The following COL4A2 variants were observed in gnomAD, a reference collection of about 807,000 sequenced individuals.
The protein encoded by COL4A2 is collagen alpha-2(IV) chain.
A neutral mutation model predicts 200.2 loss-of-function variants in COL4A2; 99 were observed. The observed-to-expected ratio is 0.49, with a 90% CI of 0.42 to 0.58. The LOEUF (loss-of-function observed/expected upper bound fraction) is 0.58. COL4A2 is among the 20% of genes least tolerant of loss of function. COL4A2 has a pLI of 0.00. For missense variants in COL4A2, 1,950 were observed against 2,314.1 expected, an observed-to-expected ratio of 0.84 and a Z score of 3.23; for synonymous variants, 897 against 900.6, an observed-to-expected ratio of 1.00 and a Z score of 0.07.
intron 3 of COL4A2, among the ~76,000 whole-genome samples, chr13:110,337,776 T>C (rs1164326070): frequency 1.3e-5 from 2 of 152,258 alleles, no homozygotes; most frequent in Non-Finnish European, 2.9e-5. Context: ...TGTGTGTGTC[T>C]GTGTCCCCAA....
At chr13:110,315,883 C>T (rs1340846740) in intron 3 of COL4A2, among the ~76,000 whole-genome samples, 1 of 152,158 alleles carries the variant, frequency 6.6e-6, no homozygotes, top group Non-Finnish European at 1.5e-5. Context: ...TAGTTGGCAG[C>T]AATGCAAGCA....
In COL4A2 at chr13:110,484,950, T is replaced by C. The variant is rs1195022297; in HGVS notation, c.2948T>C (p.Leu983Pro). 1.2e-6 allele frequency: 2 copies of C among 1,613,332 alleles called. No individual in the cohort carries two copies. Among genetic ancestry groups the C allele is most frequent in the East Asian group, 4.5e-5 (2 of 44,856 alleles). The change falls in exon 33 of 48, where the codon CTG (leucine) becomes CCG (proline). Residue 983 changes from leucine (L) to proline (P), a missense_variant. Leu to Pro is a moderately conservative substitution (Grantham distance 98, BLOSUM62 -3). Around this residue, in one of 2 missense-constraint regions of COL4A2, gnomAD observed 1,385 missense variants for 1,720.5 expected, o/e 0.80. Transcript: ENST00000360467. ...PGPPGPPPVI[L>P]PGMKDIKGEK... is the part of the protein sequence containing the mutation. The stretch of plus-strand genomic sequence containing the variant: ...CCCCCAGGACCACCTCCTGTCATCC[T>C]GCCAGGAATGAAAGACATTAAAGGA...
chr13:110,500,150 G>A (rs1368398283), intron 40 of COL4A2, among the ~76,000 whole-genome samples: 1 of 152,170 alleles, frequency 6.6e-6, no homozygotes, highest in African/African-American at 2.4e-5. Flanking sequence ...TCTTCCAAAG[G>A]GAAAATCTCT....
intron 4 of COL4A2, among the ~76,000 whole-genome samples, chr13:110,375,699 G>A (rs886207307): frequency 5.9e-5 from 9 of 151,990 alleles, no homozygotes; most frequent in Admixed American, 4.6e-4. Context: ...GTGTTGTGAC[G>A]CACACCTGTA....
At chr13:110,431,705 C>G (rs1250151798) in intron 10 of COL4A2, among the ~76,000 whole-genome samples, 3 of 152,220 alleles carry the variant, frequency 2.0e-5, no homozygotes, top group Non-Finnish European at 4.4e-5. Context: ...GCTCTGACAG[C>G]TTTTGGTTCT....
intron 4 of COL4A2, 86 bp from the exon 5 acceptor site, chr13:110,424,648 A>AAAAG: frequency 1.1e-6 from 1 of 915,736 alleles, no homozygotes; most frequent in Non-Finnish European, 1.7e-6. Context: ...AACAAAAAAA[A>AAAAG]AAATGTAGTT....
chr13:110,387,522 C>T (rs1442877478), intron 4 of COL4A2, among the ~76,000 whole-genome samples: 1 of 152,118 alleles, frequency 6.6e-6, no homozygotes, highest in Non-Finnish European at 1.5e-5. Context: ...CCGCATTCAC[C>T]ACCCGTCCCC....
chr13:110,492,274 A>G, intron 38 of COL4A2, 97 bp downstream of exon 38: 1 of 1,072,714 alleles, frequency 9.3e-7, no homozygotes. Flanking sequence ...GGCGACTTCT[A>G]AGGCCCATAC....
At chr13:110,371,751 C>T (rs1566497966) in intron 4 of COL4A2, among the ~76,000 whole-genome samples, 1 of 151,896 alleles carries the variant, frequency 6.6e-6, no homozygotes, top group Admixed American at 6.6e-5. Context: ...GGGCGGGCGG[C>T]GGGCCGTCTG....
rs4000234 is a variant in COL4A2, at chr13:110,493,110, T to C, written c.3563-101T>C. 84 of 514,530 alleles carry C rather than the reference T, an allele frequency of 1.6e-4. 1 individual carries two copies. Among genetic ancestry groups the C allele is most frequent in the African/African-American group, 2.9e-4 (6 of 20,694 alleles). The allele number at this position is 514,530 out of a possible 1,614,324, so 31.9% of individuals were successfully genotyped here. On this transcript the variant is annotated intron_variant, in intron 38 of 47. Coordinates refer to ENST00000360467, the MANE Select transcript of COL4A2 (RefSeq NM_001846.4). ...GAAATAACGATGAGTGACACCCCCA[T>C]GGGTGAAATAACGATGAGTGACACC...
intron 3 of COL4A2, among the ~76,000 whole-genome samples, chr13:110,324,828 G>A (rs1029597165): frequency 5.3e-5 from 8 of 152,230 alleles, no homozygotes; most frequent in East Asian, 1.9e-4. Flanking sequence ...TCTTTAAAAC[G>A]TGGTGAGGAC....
Position 110,508,480 on chromosome 13 carries a change from C to A in COL4A2, c.4881+259C>A. The A allele has an allele frequency of 1.7e-6, 1 of 597,544 alleles. No homozygotes were observed. 37.0% of individuals were successfully genotyped at this position (597,544 alleles called of 1,614,324 possible). ...GCCTTTGTAAGGAGTGTAACCAGGACGAACTTGCCTGTTATCCGTCTTACT... is the reference window on the plus strand; with the variant it reads ...GCCTTTGTAAGGAGTGTAACCAGGAAGAACTTGCCTGTTATCCGTCTTACT... On this transcript the variant is annotated intron_variant, in intron 47 of 47. Transcript: ENST00000360467. This position sits in a 1 kb window ranked among gnomAD's most constrained non-coding sequence, Gnocchi z 6.1.
intron 4 of COL4A2, among the ~76,000 whole-genome samples, chr13:110,411,990 C>T (rs1879861277): frequency 6.6e-6 from 1 of 152,218 alleles, no homozygotes; most frequent in South Asian, 2.1e-4. Context: ...GAACAGTGAA[C>T]AGTCTAGAGT....
At chr13:110,420,895 G>A (rs761759243) in intron 4 of COL4A2, among the ~76,000 whole-genome samples, 65 of 152,202 alleles carry the variant, frequency 4.3e-4, no homozygotes, top group African/African-American at 6.8e-4. Flanking sequence ...TGTGCACAGC[G>A]GAGAGGGATC....
intron 18 of COL4A2, 114 bp from the exon 19 acceptor site, chr13:110,449,565 C>G: frequency 1.0e-6 from 1 of 974,794 alleles, no homozygotes; most frequent in Non-Finnish European, 1.5e-6. Context: ...CCTCATCAGG[C>G]CGCATACAGC....
chr13:110,429,682 T>C (rs891598754), intron 7 of COL4A2, among the ~76,000 whole-genome samples: 3 of 152,228 alleles, frequency 2.0e-5, no homozygotes, highest in African/African-American at 7.2e-5. Context: ...AGGAAAGATA[T>C]GATTGGGTCA....
At chr13:110,355,066 T>C (rs1043898986) in intron 3 of COL4A2, among the ~76,000 whole-genome samples, 4 of 152,236 alleles carry the variant, frequency 2.6e-5, no homozygotes, top group African/African-American at 9.6e-5. Flanking sequence ...GTGAAAAGGC[T>C]GTGGTAAAAT....
At chr13:110,427,891 T>C (rs568958165) in intron 6 of COL4A2, among the ~76,000 whole-genome samples, 6 of 152,332 alleles carry the variant, frequency 3.9e-5, no homozygotes, top group African/African-American at 1.4e-4. Context: ...CTTCTAAACA[T>C]GACAAGGCCA....
At chr13:110,471,290 T>G (rs2139510713) in intron 28 of COL4A2, among the ~76,000 whole-genome samples, 2 of 152,332 alleles carry the variant, frequency 1.3e-5, no homozygotes, top group Non-Finnish European at 2.9e-5. Context: ...ATTTGGACAG[T>G]TGCCCACGTG....
Sources: gnomAD v4.1 joint callset for allele counts (sites outside exome capture counted in the v4.1 genomes callset) on GRCh38, gnomAD v4.1.1 for gene constraint, gnomAD v4.1.1 regional missense constraint, Gnocchi (gnomAD v3.1) non-coding constraint, MANE v1.5 for transcripts, NCBI Gene and HGNC (gene_info 2026-07-23, HGNC 2026-07-21) for gene names.